The following PIRT variants were observed in gnomAD, a reference collection of about 807,000 sequenced individuals.
The protein encoded by PIRT is phosphoinositide-interacting protein.
In PIRT, 6 loss-of-function variants were observed where a neutral mutation model predicts 7.9. That is an observed-to-expected ratio of 0.76 (90% CI 0.42 to 1.51). The LOEUF is 1.51. Ranked by LOEUF, PIRT falls within the 40% of genes most tolerant of loss-of-function variation. The pLI, the probability that PIRT is intolerant of heterozygous loss-of-function variation, is 0.01. For synonymous variants in PIRT, 78 were observed against 71.8 expected, an observed-to-expected ratio of 1.09 and a Z score of -0.44; for missense variants, 170 against 172.9, an observed-to-expected ratio of 0.98 and a Z score of 0.09.
intron 1 of PIRT, among the ~76,000 whole-genome samples, chr17:10,836,686 T>C (rs1905600373): frequency 6.6e-6 from 1 of 152,114 alleles, no homozygotes; most frequent in South Asian, 2.1e-4. Flanking sequence ...TGATAGCACC[T>C]GGGCTGTTCT....
chr17:10,835,956 G>A (rs1402796831), intron 1 of PIRT, among the ~76,000 whole-genome samples: 1 of 150,456 alleles, frequency 6.6e-6, no homozygotes, highest in Non-Finnish European at 1.5e-5. Flanking sequence ...AGGCTAGAGT[G>A]AAGTGGTGTG....
rs144666863 is a variant in PIRT at position 10,830,905 on chromosome 17, C to G, written c.-138-5122G>C. Among the ~76,000 whole-genome samples the G allele has an allele frequency of 7.8e-3, 1,190 of 152,246 alleles. 8 individuals are homozygous for G. Among genetic ancestry groups the G allele is most frequent in the African/African-American group, 0.027 (1,131 of 41,528 alleles). On this transcript the variant is annotated intron_variant, in intron 1 of 1. Coordinates refer to ENST00000580256, the MANE Select transcript of PIRT (RefSeq NM_001101387.2). ...TAGGATAGTTAGCAACATTCCTGGT[C>G]TCTACCCACTAGATGCCAACAGTAC...
Position 10,824,867 on chromosome 17 carries a change from G to A in PIRT, c.*365C>T, listed in dbSNP as rs1905274960. The A allele has an allele frequency of 4.3e-6, 1 of 233,862 alleles. No individual in the cohort carries two copies. Among genetic ancestry groups the A allele is most frequent in the Admixed American group, 5.1e-5 (1 of 19,710 alleles). The allele number at this position is 233,862 out of a possible 1,614,324, so 14.5% of individuals were successfully genotyped here. A position where few individuals can be genotyped will look rare whatever the true frequency, so the allele number is the denominator to read the frequency against. On this transcript the variant is annotated 3_prime_UTR_variant, in exon 2 of 2. Coordinates refer to ENST00000580256, the MANE Select transcript of PIRT (RefSeq NM_001101387.2). ...GAATCCAGCTCTGGCACTCAGATAT[G>A]TAAACATGAGGTTCTCCCTTGGGCA... is the stretch of plus-strand genomic sequence containing the variant.
chr17:10,830,011 C>CTATCT (rs58089607), intron 1 of PIRT, among the ~76,000 whole-genome samples: 2 of 148,298 alleles, frequency 1.3e-5, no homozygotes, highest in Admixed American at 6.8e-5. Context: ...ATCTATCTAT[C>CTATCT]ATCATCATCT....
In PIRT at chr17:10,825,408, T is replaced by C. The variant is rs751404536; in HGVS notation, c.238A>G (p.Lys80Glu). ...VVITCLAYTLKLSDKSLSILK... is the reference protein window; with the variant it reads ...VVITCLAYTLELSDKSLSILK... The stretch of plus-strand genomic sequence containing the variant: ...ATGGAGAGACTCTTGTCACTCAGCT[T>C]CAAGGTGTAGGCCAAGCAGGTGATG... The change falls in exon 2 of 2, where the codon AAG (lysine) becomes GAG (glutamate). Residue 80 changes from lysine to glutamate, a missense_variant. Physicochemically the swap from Lys to Glu is moderately conservative, Grantham distance 56 (BLOSUM62 1). Coordinates refer to ENST00000580256, the MANE Select transcript of PIRT (RefSeq NM_001101387.2). 6.2e-7 allele frequency: 1 copy of C among 1,613,892 alleles called. No individual in the cohort carries two copies.
At chr17:10,834,037 T>C (rs887528567) in intron 1 of PIRT, among the ~76,000 whole-genome samples, 4 of 152,152 alleles carry the variant, frequency 2.6e-5, no homozygotes, top group Non-Finnish European at 4.4e-5. Context: ...GGTTGTTTTT[T>C]ACAAAGTTAA....
At chr17:10,829,058 TG>T (rs1435127034) in intron 1 of PIRT, among the ~76,000 whole-genome samples, 1 of 152,140 alleles carries the variant, frequency 6.6e-6, no homozygotes, top group Non-Finnish European at 1.5e-5. Context: ...CCTGTGGGCT[TG>T]GGGGTAGGGA....
In PIRT at chr17:10,825,353, G is replaced by A. The variant is rs1905286637; in HGVS notation, c.293C>T (p.Ser98Phe). The A allele has an allele frequency of 6.2e-7, 1 of 1,613,972 alleles. No homozygotes were observed. The highest frequency in any genetic ancestry group is 8.5e-7 in the Non-Finnish European group (1 of 1,179,908). ...GCACACCAGCATCATGAGTCCCAGGGACAGGAAGCCAGGCCCTACCATTTT... is the reference window on the plus strand; with the variant it reads ...GCACACCAGCATCATGAGTCCCAGGAACAGGAAGCCAGGCCCTACCATTTT... Reference protein sequence around the residue: ...ILKMVGPGFLSLGLMMLVCGL... With the variant: ...ILKMVGPGFLFLGLMMLVCGL... The change falls in exon 2 of 2, where the codon TCC becomes TTC. Residue 98 changes from serine (S) to phenylalanine (F), a missense_variant. By Grantham distance (155) the Ser-to-Phe change is radical (BLOSUM62 -2). Coordinates refer to ENST00000580256, the MANE Select transcript of PIRT (RefSeq NM_001101387.2).
intron 1 of PIRT, among the ~76,000 whole-genome samples, chr17:10,837,378 C>T (rs186104529): frequency 1.3e-5 from 2 of 152,226 alleles, no homozygotes; most frequent in Admixed American, 6.5e-5. Flanking sequence ...AGATAAAACT[C>T]CCGAGGCAGC....
intron 1 of PIRT, among the ~76,000 whole-genome samples, chr17:10,832,812 C>T (rs1056526306): frequency 1.1e-4 from 16 of 152,126 alleles, no homozygotes; most frequent in African/African-American, 3.1e-4. Flanking sequence ...CTTCCATCCC[C>T]CAAACAGCAC....
intron 1 of PIRT, among the ~76,000 whole-genome samples, chr17:10,829,264 T>C (rs1278767604): frequency 6.6e-6 from 1 of 152,178 alleles, no homozygotes; most frequent in Non-Finnish European, 1.5e-5. Flanking sequence ...AATGCAGTGA[T>C]TCTCAGTGGT....
At chr17:10,829,324 G>A (rs1328253236) in intron 1 of PIRT, among the ~76,000 whole-genome samples, 4 of 152,184 alleles carry the variant, frequency 2.6e-5, no homozygotes, top group Non-Finnish European at 5.9e-5. Context: ...GCTCCTGGGA[G>A]CTGCCATCTG....
Position 10,825,436 on chromosome 17 carries a change from C to T in PIRT, c.210G>A (p.Val70=). Residue 70 remains valine (V), a synonymous_variant, in exon 2 of 2, where the codon GTG becomes GTA. Transcript: ENST00000580256. ...AGGTGTAGGCCAAGCAGGTGATGACCACGCCGAAAAGCAGGATGGCACCGC... is the reference window on the plus strand; with the variant it reads ...AGGTGTAGGCCAAGCAGGTGATGACTACGCCGAAAAGCAGGATGGCACCGC... ...SVGGAILLFG[V]VITCLAYTLK... The T allele has an allele frequency of 2.5e-6, 4 of 1,613,880 alleles. No individual in the cohort carries two copies. Among genetic ancestry groups the T allele is most frequent in the Non-Finnish European group, 3.4e-6 (4 of 1,179,886 alleles).
At chr17:10,836,019 C>T (rs2151536481) in intron 1 of PIRT, among the ~76,000 whole-genome samples, 1 of 152,102 alleles carries the variant, frequency 6.6e-6, no homozygotes, top group Middle Eastern at 3.4e-3. Flanking sequence ...TCTCCTGCCT[C>T]AGCCTCCTGA....
intron 1 of PIRT, among the ~76,000 whole-genome samples, chr17:10,830,772 T>G (rs1196964075): frequency 6.6e-6 from 1 of 152,140 alleles, no homozygotes; most frequent in Non-Finnish European, 1.5e-5. Context: ...CCCAATAAGA[T>G]TCCATTTTTT....
intron 1 of PIRT, among the ~76,000 whole-genome samples, chr17:10,837,110 C>T (rs1437068543): frequency 1.3e-5 from 2 of 152,192 alleles, no homozygotes; most frequent in Non-Finnish European, 2.9e-5. Context: ...CCATCTGTCA[C>T]CTGCTCATAG....
Position 10,825,587 on chromosome 17 carries a change from T to G in PIRT, c.59A>C (p.Lys20Thr), listed in dbSNP as rs749402199. 1.9e-6 allele frequency: 3 copies of G among 1,567,714 alleles called. No homozygotes were observed. The South Asian group carries it at 3.5e-5, about 18-fold the overall frequency. The change falls in exon 2 of 2, where the codon AAG becomes ACG. Residue 20 changes from lysine (K) to threonine (T), a missense_variant. Lys to Thr is a moderately conservative substitution (Grantham distance 78, BLOSUM62 -1). Transcript: ENST00000580256. ...GGCGGTCTGGCTGGGCAGCAGGTCC[T>G]TGGCTTCTGGAGACTTCTCATCGAC... The part of the protein sequence containing the change: ...LEVDEKSPEA[K>T]DLLPSQTASS...
At chr17:10,833,171 G>GA (rs1445527975) in intron 1 of PIRT, among the ~76,000 whole-genome samples, 5 of 152,064 alleles carry the variant, frequency 3.3e-5, no homozygotes, top group Non-Finnish European at 5.9e-5. Context: ...TATTCACATG[G>GA]AAAAAAGAAT....
At chr17:10,826,040 T>C (rs1410003746) in intron 1 of PIRT, among the ~76,000 whole-genome samples, 1 of 152,070 alleles carries the variant, frequency 6.6e-6, no homozygotes, top group African/African-American at 2.4e-5. Context: ...CTCAGCTCAC[T>C]GCAACCTCCA....
Sources: allele counts gnomAD v4.1 joint callset (sites outside exome capture counted in the v4.1 genomes callset), GRCh38; gene constraint gnomAD v4.1.1; transcripts MANE v1.5; gene names NCBI Gene and HGNC (gene_info 2026-07-23, HGNC 2026-07-21).